BNC2: variants seen among roughly 807,000 people sequenced by gnomAD.
BNC2 encodes basonuclin zinc finger protein 2, also known as zinc finger protein basonuclin-2.
BNC2 carries 20 observed loss-of-function variants against 76.3 expected under a neutral mutation model. That is an observed-to-expected ratio of 0.26 (90% CI 0.18 to 0.38). The LOEUF (loss-of-function observed/expected upper bound fraction) is 0.38. Ranked by LOEUF, BNC2 falls within the 10% of genes least tolerant of loss-of-function variation. The pLI is 1.00. For missense variants in BNC2, 1,382 were observed against 1,399.8 expected (o/e 0.99, Z 0.20); for synonymous variants, 582 against 514.8 (o/e 1.13, Z -1.77).
At chr9:16,778,097 T>C (rs1826019231) in intron 1 of BNC2, among the ~76,000 whole-genome samples, 1 of 152,210 alleles carries the variant, frequency 6.6e-6, no homozygotes, top group African/African-American at 2.4e-5. Context: ...AATTTTATTT[T>C]CTCCTCCCCT....
At chr9:16,523,787 A>G (rs1428698134) in intron 5 of BNC2, among the ~76,000 whole-genome samples, 2 of 151,862 alleles carry the variant, frequency 1.3e-5, no homozygotes, top group South Asian at 2.1e-4. Flanking sequence ...TTAGCCAGGC[A>G]TGGTGGCAGA....
intron 5 of BNC2, among the ~76,000 whole-genome samples, chr9:16,491,422 A>C (rs1416196356): frequency 6.6e-6 from 1 of 152,210 alleles, no homozygotes; most frequent in Non-Finnish European, 1.5e-5. Flanking sequence ...GGTAATGACA[A>C]AACTTAAGAG....
intron 3 of BNC2, among the ~76,000 whole-genome samples, chr9:16,711,863 T>C (rs1311440513): frequency 6.6e-6 from 1 of 152,214 alleles, no homozygotes; most frequent in Non-Finnish European, 1.5e-5. Context: ...AGTCTTCACT[T>C]ACTCGTTTTG....
intron 5 of BNC2, among the ~76,000 whole-genome samples, chr9:16,463,742 T>A (rs1821640250): frequency 6.6e-6 from 1 of 151,844 alleles, no homozygotes; most frequent in South Asian, 2.1e-4. Context: ...CTCCTCCAAC[T>A]ACAAAATTCA....
At chr9:16,686,985 C>A (rs1274070022) in intron 3 of BNC2, among the ~76,000 whole-genome samples, 1 of 152,036 alleles carries the variant, frequency 6.6e-6, no homozygotes, top group East Asian at 1.9e-4. Flanking sequence ...GGCCAATGCG[C>A]GAGTCACTAT....
intron 3 of BNC2, among the ~76,000 whole-genome samples, chr9:16,660,827 T>C (rs1033294383): frequency 6.6e-6 from 1 of 151,498 alleles, no homozygotes; most frequent in African/African-American, 2.4e-5. Flanking sequence ...TACATAGTAT[T>C]TACATTTTAT....
At chr9:16,592,518 G>C (rs1233236624) in intron 3 of BNC2, among the ~76,000 whole-genome samples, 2 of 152,152 alleles carry the variant, frequency 1.3e-5, no homozygotes, top group Non-Finnish European at 2.9e-5. Context: ...ATTAGTGGCT[G>C]CCTTGTGGGG....
chr9:16,792,527 G>A (rs887794847), intron 1 of BNC2, among the ~76,000 whole-genome samples: 1 of 152,166 alleles, frequency 6.6e-6, no homozygotes, highest in African/African-American at 2.4e-5. Flanking sequence ...AAAAGAACAA[G>A]GATGCACAAT....
intron 3 of BNC2, among the ~76,000 whole-genome samples, chr9:16,687,631 T>C (rs1220837409): frequency 1.3e-5 from 2 of 152,170 alleles, no homozygotes; most frequent in Admixed American, 1.3e-4. Flanking sequence ...CCTCAATAAA[T>C]GGGACTTAAC....
intron 5 of BNC2, among the ~76,000 whole-genome samples, chr9:16,495,058 C>T (rs1334719273): frequency 6.6e-6 from 1 of 152,084 alleles, no homozygotes; most frequent in Non-Finnish European, 1.5e-5. Flanking sequence ...TGTGACTTTC[C>T]ATGAGTTGGA....
At chr9:16,616,484 C>T (rs994924911) in intron 3 of BNC2, among the ~76,000 whole-genome samples, 1 of 151,802 alleles carries the variant, frequency 6.6e-6, no homozygotes, top group African/African-American at 2.4e-5. Context: ...ATCACTTGAG[C>T]CCAGGAGTTC....
intron 5 of BNC2, among the ~76,000 whole-genome samples, chr9:16,454,016 T>C (rs1821395589): frequency 6.6e-6 from 1 of 152,208 alleles, no homozygotes; most frequent in South Asian, 2.1e-4. Context: ...TTGCTTATGC[T>C]ACCTCTTCTA....
chr9:16,587,621 G>A (rs768128441), intron 3 of BNC2, among the ~76,000 whole-genome samples: 7 of 151,948 alleles, frequency 4.6e-5, no homozygotes, highest in Non-Finnish European at 7.4e-5. Context: ...ACGGTTGATT[G>A]CTATTTGCTT....
At chr9:16,843,779 TCA>T (rs1818892745) in intron 1 of BNC2, among the ~76,000 whole-genome samples, 1 of 152,220 alleles carries the variant, frequency 6.6e-6, no homozygotes, top group East Asian at 1.9e-4. Flanking sequence ...ACTACGCTTT[TCA>T]TCAAACAGTT....
At chr9:16,425,333 T>C (rs1820783979) in intron 6 of BNC2, among the ~76,000 whole-genome samples, 1 of 151,646 alleles carries the variant, frequency 6.6e-6, no homozygotes, top group Non-Finnish European at 1.5e-5. Context: ...GGGTCGACCA[T>C]TTATCAGAAT....
In BNC2 at chr9:16,833,253, T is replaced by C. The variant is rs563429940; in HGVS notation, c.3+37393A>G. ...ATAAGATCTTCTCTTAGAAGCACTC[T>C]GCCTTCAAAGAGGACCAAGATTAAC... On this transcript the variant is annotated intron_variant, in intron 1 of 6. Coordinates refer to ENST00000380672, the MANE Select transcript of BNC2 (RefSeq NM_017637.6). 3.9e-5 allele frequency among the ~76,000 whole-genome samples: 6 copies of C among 152,316 alleles called. No individual in the cohort carries two copies. The South Asian group carries it at 1.2e-3, about 32-fold the overall frequency.
intron 5 of BNC2, among the ~76,000 whole-genome samples, chr9:16,449,514 C>T (rs377240228): frequency 7.9e-5 from 12 of 152,238 alleles, no homozygotes; most frequent in African/African-American, 2.9e-4. Flanking sequence ...ATCTCATAGG[C>T]AGGGTTCTGC....
At position 16,727,956 on chromosome 9, in the gene BNC2, C is replaced by G. The variant is rs145011045; in HGVS notation, c.171G>C (p.Gln57His). The G allele has an allele frequency of 6.2e-7, 1 of 1,614,084 alleles. No individual in the cohort carries two copies. The highest frequency in any genetic ancestry group is 1.7e-5 in the Admixed American group (1 of 60,014). ...TTGCCCTCTTTGGCTCTCTGTCTCT[C>G]TGTGTCTCTCTTTCTCTCACATCCA... The part of the protein sequence containing the change: ...AEVDVRERET[Q>H]RDREPKRARD... Residue 57 changes from glutamine to histidine, a missense_variant, in exon 3 of 7, where the codon CAG becomes CAC. Coordinates refer to ENST00000380672, the MANE Select transcript of BNC2 (RefSeq NM_017637.6).
intron 3 of BNC2, among the ~76,000 whole-genome samples, chr9:16,715,994 GT>G (rs1448492085): frequency 6.6e-6 from 1 of 152,172 alleles, no homozygotes; most frequent in Admixed American, 6.5e-5. Flanking sequence ...ATAATTAAAT[GT>G]TTTTTAAAAT....
Sources: allele counts gnomAD v4.1 joint callset (sites outside exome capture counted in the v4.1 genomes callset), GRCh38; gene constraint gnomAD v4.1.1; transcripts MANE v1.5; gene names NCBI Gene and HGNC (gene_info 2026-07-23, HGNC 2026-07-21).